The following UVRAG variants were observed in gnomAD, a reference collection of about 807,000 sequenced individuals.
UVRAG encodes UV radiation resistance associated.
In UVRAG, 19 loss-of-function variants were observed where a neutral mutation model predicts 78.0. That is an observed-to-expected ratio of 0.24 (90% confidence interval 0.17 to 0.36). The LOEUF is 0.36. UVRAG is among the 10% of genes least tolerant of loss of function. UVRAG has a pLI of 1.00. For missense variants in UVRAG, 740 were observed against 853.8 expected, an observed-to-expected ratio of 0.87 and a Z score of 1.66; for synonymous variants, 323 against 324.6, an observed-to-expected ratio of 1.00 and a Z score of 0.05.
At chr11:75,915,458 G>A (rs568700364) in intron 6 of UVRAG, among the ~76,000 whole-genome samples, 1 of 152,188 alleles carries the variant, frequency 6.6e-6, no homozygotes, top group African/African-American at 2.4e-5. Context: ...GAAATCTCTG[G>A]ATTAAGCATT....
chr11:76,127,963 A>C (rs773212884), intron 14 of UVRAG, among the ~76,000 whole-genome samples: 2 of 152,206 alleles, frequency 1.3e-5, no homozygotes, highest in Non-Finnish European at 2.9e-5. Flanking sequence ...ATCTCAAAAA[A>C]AAAAAGGACT....
At chr11:76,023,634 A>C (rs1264260708) in intron 12 of UVRAG, among the ~76,000 whole-genome samples, 1 of 152,106 alleles carries the variant, frequency 6.6e-6, no homozygotes, top group Non-Finnish European at 1.5e-5. Context: ...CTGATCAAAA[A>C]ATGAGGTGTC....
At chr11:75,905,907 GA>G (rs1418819507) in intron 5 of UVRAG, among the ~76,000 whole-genome samples, 1 of 151,722 alleles carries the variant, frequency 6.6e-6, no homozygotes, top group Non-Finnish European at 1.5e-5. Flanking sequence ...TACCGTGGCT[GA>G]CCAATACATT....
At chr11:75,875,609 T>C (rs1218876550) in intron 3 of UVRAG, among the ~76,000 whole-genome samples, 1 of 151,428 alleles carries the variant, frequency 6.6e-6, no homozygotes, top group Non-Finnish European at 1.5e-5. Context: ...TCATCCATGT[T>C]TTTAAACCTT....
intron 1 of UVRAG, among the ~76,000 whole-genome samples, chr11:75,824,323 A>G (rs1269364100): frequency 6.6e-6 from 1 of 151,822 alleles, no homozygotes; most frequent in Non-Finnish European, 1.5e-5. Flanking sequence ...TGAAATCATT[A>G]TTTTTATGTG....
intron 6 of UVRAG, among the ~76,000 whole-genome samples, chr11:75,936,899 C>T (rs1948383858): frequency 6.6e-6 from 1 of 152,112 alleles, no homozygotes; most frequent in South Asian, 2.1e-4. Context: ...GCTGGGACTA[C>T]AGGCTTAGGC....
chr11:75,865,826 G>A (rs921668173), intron 3 of UVRAG, among the ~76,000 whole-genome samples: 2 of 152,112 alleles, frequency 1.3e-5, no homozygotes, highest in Non-Finnish European at 2.9e-5. Context: ...TGTTGGCCAG[G>A]CTGGTGTTGA....
At chr11:76,126,824 A>G (rs1025002765) in intron 14 of UVRAG, among the ~76,000 whole-genome samples, 1 of 152,182 alleles carries the variant, frequency 6.6e-6, no homozygotes, top group African/African-American at 2.4e-5. Context: ...GATCCCTCCC[A>G]TATGCTGTTT....
chr11:75,835,943 T>C (rs991361823), intron 1 of UVRAG, among the ~76,000 whole-genome samples: 1 of 151,660 alleles, frequency 6.6e-6, no homozygotes, highest in Admixed American at 6.6e-5. Context: ...AAAAAATATA[T>C]ACAAAAAATT....
chr11:76,033,620 T>C (rs1167175957), intron 12 of UVRAG, among the ~76,000 whole-genome samples: 1 of 152,122 alleles, frequency 6.6e-6, no homozygotes, highest in African/African-American at 2.4e-5. Context: ...AGAATATATA[T>C]TTTTAAAACC....
chr11:75,887,814 C>T (rs1389194128), intron 4 of UVRAG, among the ~76,000 whole-genome samples: 3 of 151,832 alleles, frequency 2.0e-5, no homozygotes, highest in African/African-American at 4.8e-5. Flanking sequence ...GAATTTCTCA[C>T]CTCAAGTGAT....
chr11:75,884,753 C>G (rs1441959825), intron 4 of UVRAG, among the ~76,000 whole-genome samples: 1 of 152,088 alleles, frequency 6.6e-6, no homozygotes, highest in Non-Finnish European at 1.5e-5. Flanking sequence ...ATCTGTATTT[C>G]TGTCTTAATG....
intron 1 of UVRAG, among the ~76,000 whole-genome samples, chr11:75,827,725 A>G (rs900267969): frequency 3.3e-5 from 5 of 152,248 alleles, no homozygotes; most frequent in African/African-American, 9.6e-5. Flanking sequence ...TGTTAGGCAC[A>G]GGATTCGGAA....
intron 8 of UVRAG, among the ~76,000 whole-genome samples, chr11:75,985,985 A>G (rs1001349832): frequency 3.3e-5 from 5 of 152,092 alleles, no homozygotes; most frequent in Admixed American, 3.3e-4. Flanking sequence ...TTTTTCTTCA[A>G]GATTACCTCA....
At chr11:75,831,180 C>T (rs990025563) in intron 1 of UVRAG, among the ~76,000 whole-genome samples, 6 of 152,088 alleles carry the variant, frequency 3.9e-5, no homozygotes, top group African/African-American at 1.2e-4. Context: ...GTGTCCTTGC[C>T]CTGGAGGGAC....
chr11:76,138,748 G>C (rs1952644222), intron 14 of UVRAG, among the ~76,000 whole-genome samples: 1 of 152,198 alleles, frequency 6.6e-6, no homozygotes, highest in African/African-American at 2.4e-5. Context: ...TGTTTCACCT[G>C]GTGCTTCCAC....
Position 75,834,334 on chromosome 11 carries a change from T to A in UVRAG, c.118-17549T>A, listed in dbSNP as rs139692988. ...TTAGATTCAGATTACACATTTTCAG[T>A]TGGAATATTGCATGGGTGGTAATAT... On this transcript the variant is annotated intron_variant, in intron 1 of 14. Transcript: ENST00000356136. 2.0e-3 allele frequency among the ~76,000 whole-genome samples: 311 copies of A among 152,330 alleles called. 1 individual carries two copies. The highest frequency in any genetic ancestry group is 7.2e-3 in the African/African-American group (298 of 41,566).
At chr11:76,069,535 G>T (rs905464288) in intron 13 of UVRAG, among the ~76,000 whole-genome samples, 1 of 152,164 alleles carries the variant, frequency 6.6e-6, no homozygotes, top group Non-Finnish European at 1.5e-5. Flanking sequence ...CATTATATTA[G>T]AATTTGTATA....
At chr11:75,904,722 A>G (rs1947579788) in intron 5 of UVRAG, among the ~76,000 whole-genome samples, 2 of 152,176 alleles carry the variant, frequency 1.3e-5, no homozygotes, top group African/African-American at 4.8e-5. Context: ...AAGTGGGGAT[A>G]TTAATAGCAC....
Sources: allele counts gnomAD v4.1 joint callset (sites outside exome capture counted in the v4.1 genomes callset), GRCh38; gene constraint gnomAD v4.1.1; transcripts MANE v1.5; gene names NCBI Gene and HGNC (gene_info 2026-07-23, HGNC 2026-07-21).